OXR1: variants seen among roughly 807,000 people sequenced by gnomAD.
OXR1 encodes oxidation resistance 1, also known as oxidation resistance protein 1.
OXR1 carries 41 observed loss-of-function variants against 104.6 expected under a neutral mutation model. The observed-to-expected ratio is 0.39, with a 90% CI of 0.31 to 0.51. OXR1 has a LOEUF of 0.51. Among genes scored for constraint, OXR1 ranks in the 20% least tolerant of loss-of-function variants. The pLI is 0.77. For synonymous variants in OXR1, 348 were observed against 348.4 expected (o/e 1.00, Z 0.01); for missense variants, 955 against 1,031.9 (o/e 0.93, Z 1.02).
intron 3 of OXR1, among the ~76,000 whole-genome samples, chr8:106,542,148 A>G (rs1815001931): frequency 6.6e-6 from 1 of 152,192 alleles, no homozygotes; most frequent in African/African-American, 2.4e-5. Flanking sequence ...TTATTTCACA[A>G]TTTTAATAGG....
intron 1 of OXR1, among the ~76,000 whole-genome samples, chr8:106,289,748 A>C (rs1454786322): frequency 6.6e-6 from 1 of 152,132 alleles, no homozygotes; most frequent in Non-Finnish European, 1.5e-5. Flanking sequence ...TGGGTTGGCT[A>C]TGTCCCCACC....
intron 3 of OXR1, chr8:106,658,333 CGCCGGGG>C: frequency 1.1e-6 from 1 of 941,786 alleles, no homozygotes; most frequent in Non-Finnish European, 1.4e-6. Flanking sequence ...GGGTGGCGGC[CGCCGGGG>C]GCGAGGAAGG....
chr8:106,284,528 T>C lies in OXR1; in HGVS notation c.-139+14161T>C, dbSNP rs3019302. ...GATATCTATTTTCCAAGAGAACAGA[T>C]AGTATTCAGCAAAATCAGCATGCCT... On this transcript the variant is annotated intron_variant, in intron 1 of 16. Transcript: ENST00000517566. Among the ~76,000 whole-genome samples, 1,673 of 152,266 alleles carry C rather than the reference T, an allele frequency of 0.011. 115 individuals are homozygous for C. The East Asian group carries it at 0.18, about 16-fold the overall frequency.
At chr8:106,692,601 C>G in intron 6 of OXR1, 127 bp from the exon 7 acceptor site, 2 of 505,868 alleles carry the variant, frequency 4.0e-6, no homozygotes, top group Non-Finnish European at 6.6e-6. Flanking sequence ...TTCGGGCTGA[C>G]TTCCAGAATG....
chr8:106,704,393 C>CTTTTTTTTTTTTTTTTTTTT (rs71307084), intron 8 of OXR1, among the ~76,000 whole-genome samples: 15 of 47,884 alleles, frequency 3.1e-4, no homozygotes, highest in African/African-American at 5.0e-4. Context: ...CTTTCTTCTT[C>CTTTTTTTTTTTTTTTTTTTT]TTTTTTTTTT....
intron 2 of OXR1, among the ~76,000 whole-genome samples, chr8:106,390,939 C>T (rs1486245229): frequency 1.3e-5 from 2 of 152,118 alleles, no homozygotes; most frequent in East Asian, 3.8e-4. Context: ...AAACTACCAA[C>T]CCTGTGCCTG....
chr8:106,714,914 G>A (rs1832080292), intron 11 of OXR1, among the ~76,000 whole-genome samples: 1 of 152,018 alleles, frequency 6.6e-6, no homozygotes, highest in African/African-American at 2.4e-5. Context: ...ATGTCATTCT[G>A]TGTAGTATAT....
chr8:106,707,523 C>T (rs1831262725), intron 9 of OXR1: 3 of 357,992 alleles, frequency 8.4e-6, no homozygotes, highest in South Asian at 6.9e-5. Flanking sequence ...TCATATATAA[C>T]ATTTTAATTG....
intron 1 of OXR1, among the ~76,000 whole-genome samples, chr8:106,314,683 C>T (rs982621382): frequency 6.6e-6 from 1 of 152,150 alleles, no homozygotes; most frequent in Admixed American, 6.5e-5. Flanking sequence ...TGGCTGGTAA[C>T]GTAGTGAAGC....
At chr8:106,291,104 T>G (rs1028942716) in intron 1 of OXR1, among the ~76,000 whole-genome samples, 1 of 152,180 alleles carries the variant, frequency 6.6e-6, no homozygotes, top group East Asian at 1.9e-4. Flanking sequence ...CATGGAATAC[T>G]ATGCAGCCAT....
chr8:106,434,475 T>G (rs10955424), intron 2 of OXR1, among the ~76,000 whole-genome samples: 34,409 of 152,086 alleles, frequency 0.23, 5,412 homozygotes, highest in African/African-American at 0.42. Context: ...AAAAGAATAG[T>G]AGCTTTTATG....
chr8:106,684,447 T>G (rs1828493172), intron 6 of OXR1, 88 bp downstream of exon 6: 1 of 706,842 alleles, frequency 1.4e-6, no homozygotes, highest in Non-Finnish European at 2.5e-6. Context: ...CCATTTTGAC[T>G]ATGGTTAGAA....
intron 2 of OXR1, among the ~76,000 whole-genome samples, chr8:106,412,304 A>G (rs1818488359): frequency 1.3e-5 from 2 of 152,070 alleles, no homozygotes; most frequent in South Asian, 4.1e-4. Flanking sequence ...CCCTAATCCC[A>G]GTAGGCATCC....
intron 2 of OXR1, among the ~76,000 whole-genome samples, chr8:106,507,131 A>T (rs1812219650): frequency 6.6e-6 from 1 of 152,190 alleles, no homozygotes. Context: ...ATAGTGAAAA[A>T]GGGAATATTT....
At chr8:106,298,898 A>G (rs1449053944) in intron 1 of OXR1, among the ~76,000 whole-genome samples, 1 of 149,490 alleles carries the variant, frequency 6.7e-6, no homozygotes, top group East Asian at 2.0e-4. Context: ...AAAACAAAAC[A>G]TGAGAAAGAT....
chr8:106,341,874 A>ATTT (rs35921475), intron 1 of OXR1, among the ~76,000 whole-genome samples: 2 of 141,276 alleles, frequency 1.4e-5, no homozygotes, highest in Non-Finnish European at 1.5e-5. Flanking sequence ...CCCCACCTCT[A>ATTT]TTTTTTTTTT....
chr8:106,331,950 T>C (rs953351188), intron 1 of OXR1, among the ~76,000 whole-genome samples: 3 of 147,672 alleles, frequency 2.0e-5, no homozygotes, highest in African/African-American at 7.7e-5. Flanking sequence ...AAAAAAATGA[T>C]AATTCTTTTG....
intron 1 of OXR1, among the ~76,000 whole-genome samples, chr8:106,325,652 T>A (rs1251092939): frequency 1.3e-5 from 2 of 152,210 alleles, no homozygotes; most frequent in African/African-American, 4.8e-5. Context: ...TACAAGTCAG[T>A]CCTTGAGTCA....
chr8:106,339,881 G>A (rs1390901639), intron 1 of OXR1, among the ~76,000 whole-genome samples: 1 of 152,006 alleles, frequency 6.6e-6, no homozygotes, highest in Non-Finnish European at 1.5e-5. Context: ...ATGAGATAAA[G>A]TACTTAGAAC....
Sources: gnomAD v4.1 joint callset for allele counts (sites outside exome capture counted in the v4.1 genomes callset) on GRCh38, gnomAD v4.1.1 for gene constraint, MANE v1.5 for transcripts, NCBI Gene and HGNC (gene_info 2026-07-23, HGNC 2026-07-21) for gene names.